PDLIM5: variants seen among roughly 807,000 people sequenced by gnomAD.
PDLIM5 encodes PDZ and LIM domain 5, also known as PDZ and LIM domain protein 5.
Under a neutral mutation model 64.2 loss-of-function variants are expected in PDLIM5, and 34 were observed. The ratio of observed to expected loss-of-function variants is 0.53; its 90% CI spans 0.40 to 0.71. The LOEUF is 0.71. PDLIM5 is among the 30% of genes least tolerant of loss of function. PDLIM5 has a pLI of 0.00. For missense variants in PDLIM5, 683 were observed against 733.6 expected (o/e 0.93, Z 0.80); for synonymous variants, 253 against 269.1 (o/e 0.94, Z 0.59).
intron 9 of PDLIM5, among the ~76,000 whole-genome samples, chr4:94,649,899 C>G (rs1394411788): frequency 6.6e-6 from 1 of 152,170 alleles, no homozygotes; most frequent in African/African-American, 2.4e-5. Flanking sequence ...TGTTTAAACT[C>G]ATTTTACCTG....
At chr4:94,653,463 G>A (rs1346811056) in intron 9 of PDLIM5, among the ~76,000 whole-genome samples, 2 of 152,098 alleles carry the variant, frequency 1.3e-5, no homozygotes, top group Non-Finnish European at 2.9e-5. Context: ...CAGGCTTCAT[G>A]ACTAGATAAG....
At chr4:94,524,451 G>T (rs542235260) in intron 3 of PDLIM5, among the ~76,000 whole-genome samples, 5 of 151,436 alleles carry the variant, frequency 3.3e-5, no homozygotes, top group African/African-American at 1.2e-4. Context: ...ATGGAGTGCA[G>T]GCTAAGAATT....
chr4:94,490,145 T>C (rs1333942267), intron 2 of PDLIM5, among the ~76,000 whole-genome samples: 3 of 151,904 alleles, frequency 2.0e-5, no homozygotes, highest in Non-Finnish European at 1.5e-5. Flanking sequence ...TATAATCTTA[T>C]TGAGTGTAAT....
intron 8 of PDLIM5, among the ~76,000 whole-genome samples, chr4:94,628,522 CTTT>C (rs58904009): frequency 1.4e-5 from 2 of 147,074 alleles, no homozygotes; most frequent in African/African-American, 5.0e-5. Flanking sequence ...TAAAATATCT[CTTT>C]TTTTTTTTCC....
intron 2 of PDLIM5, among the ~76,000 whole-genome samples, chr4:94,488,044 T>C (rs1226435957): frequency 6.6e-6 from 1 of 152,198 alleles, no homozygotes; most frequent in Non-Finnish European, 1.5e-5. Context: ...ACAAGTTCTT[T>C]AAGTTGTGTG....
chr4:94,468,783 G>C (rs1724594620), intron 2 of PDLIM5, among the ~76,000 whole-genome samples: 1 of 152,182 alleles, frequency 6.6e-6, no homozygotes, highest in Admixed American at 6.5e-5. Flanking sequence ...AGTATGGCAG[G>C]TTATGTCCTG....
At chr4:94,587,560 T>A in intron 7 of PDLIM5, 1 of 937,416 alleles carries the variant, frequency 1.1e-6, no homozygotes, top group Non-Finnish European at 1.3e-6. Flanking sequence ...AATAAGTAAA[T>A]ATAAGGAGGC....
At chr4:94,656,068 A>G (rs1742188271) in intron 10 of PDLIM5, among the ~76,000 whole-genome samples, 1 of 152,106 alleles carries the variant, frequency 6.6e-6, no homozygotes, top group Admixed American at 6.5e-5. Flanking sequence ...ATTTTTTATA[A>G]AAGAAAATAG....
Position 94,596,391 on chromosome 4 carries a change from A to T in PDLIM5, c.920+9947A>T, listed in dbSNP as rs148832366. 8.1e-3 allele frequency among the ~76,000 whole-genome samples: 1,226 copies of T among 152,254 alleles called. 9 individuals carry two copies. The highest frequency in any genetic ancestry group is 0.012 in the Admixed American group (188 of 15,296). ...TTGTCAGACCGGTAGTCCTTCTCTT[A>T]TAATGCTGTTTGGATAAGTTGTTTT... On this transcript the variant is annotated intron_variant, in intron 7 of 12. Transcript: ENST00000317968.
At chr4:94,458,641 A>G (rs1226734034) in intron 2 of PDLIM5, among the ~76,000 whole-genome samples, 1 of 152,164 alleles carries the variant, frequency 6.6e-6, no homozygotes, top group African/African-American at 2.4e-5. Flanking sequence ...GGTCATTTAC[A>G]TTCCTTTATA....
chr4:94,511,608 C>G (rs1391185592), intron 2 of PDLIM5, among the ~76,000 whole-genome samples: 1 of 151,926 alleles, frequency 6.6e-6, no homozygotes, highest in East Asian at 1.9e-4. Context: ...AACACACACA[C>G]ACACACACAC....
chr4:94,459,231 C>T (rs1329401556), intron 2 of PDLIM5, among the ~76,000 whole-genome samples: 2 of 152,172 alleles, frequency 1.3e-5, no homozygotes, highest in Non-Finnish European at 2.9e-5. Flanking sequence ...CTGTGTGTTA[C>T]TTTCTCATTA....
At chr4:94,477,250 A>G (rs928916606) in intron 2 of PDLIM5, among the ~76,000 whole-genome samples, 6 of 152,200 alleles carry the variant, frequency 3.9e-5, no homozygotes, top group African/African-American at 1.4e-4. Context: ...GGCCTTTGAC[A>G]ATAGCTGCTC....
At position 94,619,860 on chromosome 4, in the gene PDLIM5, C is replaced by T. The variant is rs563140951; in HGVS notation, c.1108+1669C>T. On this transcript the variant is annotated intron_variant, in intron 8 of 12. Coordinates refer to ENST00000317968, the MANE Select transcript of PDLIM5 (RefSeq NM_006457.5). Reference sequence around the variant, plus strand: ...CTGCCCTCGAACTCCTGAGCTTAAGCGATCCTCCCACCTTGTCTTCCCAAA... The same window carrying T: ...CTGCCCTCGAACTCCTGAGCTTAAGTGATCCTCCCACCTTGTCTTCCCAAA... 2.8e-4 allele frequency among the ~76,000 whole-genome samples: 43 copies of T among 152,134 alleles called. 1 individual carries two copies. In the South Asian group the frequency reaches 8.1e-3, roughly 29 times the overall value.
intron 2 of PDLIM5, among the ~76,000 whole-genome samples, chr4:94,499,823 G>T (rs1727749025): frequency 6.6e-6 from 1 of 152,134 alleles, no homozygotes; most frequent in Non-Finnish European, 1.5e-5. Context: ...TCTCAGAGGA[G>T]CACGAACCCT....
intron 3 of PDLIM5, among the ~76,000 whole-genome samples, chr4:94,534,745 A>G (rs926082645): frequency 3.9e-5 from 6 of 152,198 alleles, no homozygotes; most frequent in African/African-American, 1.4e-4. Flanking sequence ...TCCATTGTAA[A>G]GTACTTCAAG....
intron 3 of PDLIM5, among the ~76,000 whole-genome samples, chr4:94,532,255 T>G (rs1730944105): frequency 6.6e-6 from 1 of 152,198 alleles, no homozygotes; most frequent in Non-Finnish European, 1.5e-5. Context: ...CTACTGTTAC[T>G]CCTTTAGACC....
At chr4:94,517,880 A>G (rs928049515) in intron 2 of PDLIM5, among the ~76,000 whole-genome samples, 3 of 152,178 alleles carry the variant, frequency 2.0e-5, no homozygotes, top group Non-Finnish European at 4.4e-5. Context: ...GAATCAGCAT[A>G]AATTGTTCTA....
At chr4:94,455,689 G>C in intron 2 of PDLIM5, 1 of 1,111,396 alleles carries the variant, frequency 9.0e-7, no homozygotes, top group Non-Finnish European at 1.3e-6. Flanking sequence ...CTGAATCTTC[G>C]TTCTTTCATA....
Sources: gnomAD v4.1 joint callset for allele counts (sites outside exome capture counted in the v4.1 genomes callset) on GRCh38, gnomAD v4.1.1 for gene constraint, MANE v1.5 for transcripts, NCBI Gene and HGNC (gene_info 2026-07-23, HGNC 2026-07-21) for gene names.